Variants in ZNF112 observed in about 807,000 individuals in gnomAD.
ZNF112 encodes the protein zinc finger protein 112.
In ZNF112, 37 loss-of-function variants were observed where a neutral mutation model predicts 77.7. The observed-to-expected ratio is 0.48, with a 90% CI of 0.37 to 0.63. ZNF112 has a LOEUF of 0.63. ZNF112 is among the 20% of genes least tolerant of loss of function. ZNF112 has a pLI of 0.00. For missense variants in ZNF112, 950 were observed against 1,077.4 expected, an observed-to-expected ratio of 0.88 and a Z score of 1.66; for synonymous variants, 333 against 363.6, an observed-to-expected ratio of 0.92 and a Z score of 0.96.
chr19:44,330,035 C>T, intron 3 of ZNF112, 99 bp from the exon 4 acceptor site: 2 of 902,312 alleles, frequency 2.2e-6, no homozygotes, highest in South Asian at 2.0e-5. Flanking sequence ...CTTGAATGAA[C>T]CAGAGGAAAA....
At position 44,328,722 on chromosome 19, in the gene ZNF112, A is replaced by G. The variant is rs2722722; in HGVS notation, c.1435T>C (p.Tyr479His). ...TGAATTTTTGGATGACCTTGAAGAT[A>G]TAAATTATGGCTGAAGCTGTTACTA... is the stretch of plus-strand genomic sequence containing the variant. The part of the protein sequence containing the change: ...VCSNSFSHNL[Y>H]LQGHPKIHIG... Residue 479 changes from tyrosine (Y) to histidine (H), a missense_variant, in exon 4 of 4, where the codon TAT becomes CAT. Tyr to His is a moderately conservative substitution (Grantham distance 83). Transcript: ENST00000354340. 1,033,482 of 1,613,740 alleles carry G rather than the reference A, an allele frequency of 0.64. 332,733 individuals carry two copies. The highest frequency in any genetic ancestry group is 0.76 in the Admixed American group (45,542 of 59,972).
rs1970173570 is a variant in ZNF112 at position 44,328,270 on chromosome 19, T to C, written c.1887A>G (p.Lys629=). The change falls in exon 4 of 4, where the codon AAA becomes AAG. Residue 629 remains lysine (K), a synonymous_variant. Coordinates refer to ENST00000354340, the MANE Select transcript of ZNF112 (RefSeq NM_013380.4). ...QGHQRVHTGE[K]PFKCEECGKG... Reference sequence around the variant, plus strand: ...TCCCACATTCCTCACATTTGAATGGTTTTTCTCCAGTGTGGACTCTCTGAT... The same window carrying C: ...TCCCACATTCCTCACATTTGAATGGCTTTTCTCCAGTGTGGACTCTCTGAT... 3.1e-6 allele frequency: 5 copies of C among 1,613,966 alleles called. No individual in the cohort carries two copies. Among genetic ancestry groups the C allele is most frequent in the Non-Finnish European group, 3.4e-6 (4 of 1,179,956 alleles).
At chr19:44,343,339 T>C (rs771790344) in intron 1 of ZNF112, 4 of 1,518,918 alleles carry the variant, frequency 2.6e-6, no homozygotes, top group Admixed American at 1.8e-5. Context: ...AAAGAAGCCA[T>C]GATTAAAAGG....
At chr19:44,330,053 C>T in intron 3 of ZNF112, 117 bp from the exon 4 acceptor site, 1 of 730,636 alleles carries the variant, frequency 1.4e-6, no homozygotes, top group Admixed American at 3.0e-5. Context: ...AAATTCATGC[C>T]ACTATTTCTA....
intron 2 of ZNF112, among the ~76,000 whole-genome samples, chr19:44,338,410 GA>G (rs1461805929): frequency 6.6e-6 from 1 of 152,132 alleles, no homozygotes; most frequent in African/African-American, 2.4e-5. Flanking sequence ...TACAAATGGG[GA>G]AAAAAGCAGT....
intron 1 of ZNF112, among the ~76,000 whole-genome samples, chr19:44,346,936 A>G (rs76035817): frequency 0.021 from 3,238 of 152,304 alleles, 120 homozygotes; most frequent in African/African-American, 0.074. Context: ...AATGTCAACG[A>G]GGTCAAGATG....
At chr19:44,338,049 T>C (rs927626817) in intron 2 of ZNF112, among the ~76,000 whole-genome samples, 2 of 150,120 alleles carry the variant, frequency 1.3e-5, no homozygotes, top group African/African-American at 4.9e-5. Context: ...TACTGTTCTC[T>C]GCCAACAAAG....
chr19:44,343,883 G>T (rs757596145), intron 1 of ZNF112, among the ~76,000 whole-genome samples: 5 of 152,182 alleles, frequency 3.3e-5, no homozygotes, highest in Non-Finnish European at 7.3e-5. Context: ...AATGTATTTT[G>T]TAAGACATCT....
intron 3 of ZNF112, among the ~76,000 whole-genome samples, chr19:44,331,032 T>A (rs761566144): frequency 6.6e-6 from 1 of 152,218 alleles, no homozygotes; most frequent in African/African-American, 2.4e-5. Context: ...TTTATCCTCA[T>A]GAGAATAATA....
Position 44,327,580 on chromosome 19 carries a change from T to C in ZNF112, c.2577A>G (p.Ala859=). The change falls in exon 4 of 4, where the codon GCA becomes GCG. Residue 859 remains alanine, a synonymous_variant. Transcript: ENST00000354340. ...HTGEKPYKCD[A]CGKGFRWSSG... The stretch of plus-strand genomic sequence containing the variant: ...AGCTCCAACGGAAACCCTTACCACA[T>C]GCATCACATTTGTATGGTTTCTCTC... 3 of 1,614,100 alleles carry C rather than the reference T, an allele frequency of 1.9e-6. No homozygotes were observed. Among genetic ancestry groups the C allele is most frequent in the Non-Finnish European group, 2.5e-6 (3 of 1,179,968 alleles).
rs766402051 is a variant in ZNF112, at chr19:44,336,717, T to G, written c.126A>C (p.Ala42=). ...TTAGGTCTGGCTTGAAGGGCTGATG[T>G]GCTGTAAAGAAGGAAAGGACAGCAA... ...LENFRNLLLV[A]HQPFKPDLIS... is the part of the protein sequence containing the mutation. The change falls in exon 3 of 4, where the codon GCA becomes GCC. Residue 42 remains alanine (A), a splice_region_variant and synonymous_variant. Coordinates refer to ENST00000354340, the MANE Select transcript of ZNF112 (RefSeq NM_013380.4). 9 of 1,613,716 alleles carry G rather than the reference T, an allele frequency of 5.6e-6. No homozygotes were observed. Among genetic ancestry groups the G allele is most frequent in the Non-Finnish European group, 7.6e-6 (9 of 1,179,850 alleles).
intron 1 of ZNF112, among the ~76,000 whole-genome samples, chr19:44,348,791 T>C (rs1970641303): frequency 6.6e-6 from 1 of 152,062 alleles, no homozygotes; most frequent in South Asian, 2.1e-4. Context: ...CTAAAGCAGA[T>C]ATTATAGGGA....
At chr19:44,364,956 G>A (rs550204091) in intron 1 of ZNF112, among the ~76,000 whole-genome samples, 2 of 152,222 alleles carry the variant, frequency 1.3e-5, no homozygotes, top group African/African-American at 2.4e-5. Flanking sequence ...TCTTTGTCTT[G>A]TTTGGTATTA....
chr19:44,340,436 A>G lies in ZNF112; in HGVS notation c.104T>C (p.Phe35Ser). ...KLYRDVMLEN[F>S]RNLLLVAHQP... ...CTCACCTACTAAGAGCAGGTTCCTG[A>G]AGTTCTCCAGCATCACATCTCGGTA... The change falls in exon 2 of 4, where the codon TTC becomes TCC. Residue 35 changes from phenylalanine to serine, a missense_variant. By Grantham distance (155) the Phe-to-Ser change is radical. This residue lies in a region of ZNF112 where 560 missense variants were observed against 557.3 expected (regional missense o/e 1.00). Coordinates refer to ENST00000354340, the MANE Select transcript of ZNF112 (RefSeq NM_013380.4). The G allele has an allele frequency of 6.2e-7, 1 of 1,614,030 alleles. No homozygotes were observed. Among genetic ancestry groups the G allele is most frequent in the East Asian group, 2.2e-5 (1 of 44,878 alleles).
intron 1 of ZNF112, chr19:44,341,255 T>G: frequency 2.2e-6 from 1 of 454,580 alleles, no homozygotes; most frequent in Non-Finnish European, 4.4e-6. Context: ...GCAAAGTAAT[T>G]CAGAGAACTA....
chr19:44,339,025 C>T (rs2123171212), intron 2 of ZNF112, among the ~76,000 whole-genome samples: 1 of 152,284 alleles, frequency 6.6e-6, no homozygotes, highest in Admixed American at 6.5e-5. Context: ...TGCACCACTG[C>T]ACTCCAGCCT....
At chr19:44,335,438 A>G (rs1239910524) in intron 3 of ZNF112, among the ~76,000 whole-genome samples, 1 of 152,244 alleles carries the variant, frequency 6.6e-6, no homozygotes, top group Non-Finnish European at 1.5e-5. Flanking sequence ...ACAAGAATGT[A>G]CATAACAAAT....
chr19:44,335,773 C>T (rs889569536), intron 3 of ZNF112, among the ~76,000 whole-genome samples: 9 of 152,168 alleles, frequency 5.9e-5, no homozygotes, highest in South Asian at 2.1e-4. Flanking sequence ...TGGAAACAAA[C>T]CATTATAGAA....
chr19:44,329,654 T>A lies in ZNF112; in HGVS notation c.503A>T (p.Tyr168Phe). Residue 168 changes from tyrosine to phenylalanine, a missense_variant, in exon 4 of 4, where the codon TAT becomes TTT. Coordinates refer to ENST00000354340, the MANE Select transcript of ZNF112 (RefSeq NM_013380.4). ...NGSNYIKSQG[Y>F]PSWRAHHSWR... ...AGAATGATGTGCCCTCCAAGATGGA[T>A]ACCCTTGACTTTTTATATAATTGGA... 1 of 1,614,174 alleles carries A rather than the reference T, an allele frequency of 6.2e-7. No individual in the cohort carries two copies. Among genetic ancestry groups the A allele is most frequent in the Non-Finnish European group, 8.5e-7 (1 of 1,180,024 alleles).
Sources: allele counts gnomAD v4.1 joint callset (sites outside exome capture counted in the v4.1 genomes callset), GRCh38; gene constraint gnomAD v4.1.1; regional missense constraint gnomAD v4.1.1; transcripts MANE v1.5; gene names NCBI Gene and HGNC (gene_info 2026-07-23, HGNC 2026-07-21).